EIF2B3: variants seen among roughly 807,000 people sequenced by gnomAD.
The protein encoded by EIF2B3 is translation initiation factor eIF2B subunit gamma.
In EIF2B3, 20 loss-of-function variants were observed where a neutral mutation model predicts 54.1. The observed-to-expected ratio is 0.37, with a 90% confidence interval of 0.26 to 0.54. EIF2B3 has a LOEUF of 0.54. Among genes scored for constraint, EIF2B3 ranks in the 20% least tolerant of loss-of-function variants. EIF2B3 has a pLI of 0.86. For missense variants in EIF2B3, 448 were observed against 547.8 expected, an observed-to-expected ratio of 0.82 and a Z score of 1.82; for synonymous variants, 153 against 188.1, an observed-to-expected ratio of 0.81 and a Z score of 1.52.
intron 4 of EIF2B3, among the ~76,000 whole-genome samples, chr1:44,928,584 A>G (rs72676539): frequency 0.15 from 22,578 of 151,974 alleles, 1,806 homozygotes; most frequent in Non-Finnish European, 0.17. Flanking sequence ...TATTATTTAA[A>G]GTCATCCACA....
Position 44,879,872 on chromosome 1 carries a change from C to T in EIF2B3, c.921G>A (p.Glu307=), listed in dbSNP as rs531541564. The T allele has an allele frequency of 2.4e-5, 38 of 1,614,058 alleles. No individual in the cohort carries two copies. The highest frequency in any genetic ancestry group is 3.1e-5 in the Non-Finnish European group (37 of 1,180,048). ...GTGTGCTCACTCGAGAGCAGAGCCCCTCTTTCATGATGTGGACATAGCAGC... is the reference window on the plus strand; with the variant it reads ...GTGTGCTCACTCGAGAGCAGAGCCCTTCTTTCATGATGTGGACATAGCAGC... ...QVRCYVHIMK[E]GLCSRVSTLG... Residue 307 remains glutamate, a synonymous_variant, in exon 8 of 12, where the codon GAG becomes GAA. Transcript: ENST00000360403.
chr1:44,961,786 T>C (rs1394041555), intron 3 of EIF2B3, among the ~76,000 whole-genome samples: 1 of 152,222 alleles, frequency 6.6e-6, no homozygotes, highest in Non-Finnish European at 1.5e-5. Flanking sequence ...GACTCATAAC[T>C]TCCAAGGTCA....
At chr1:44,961,561 T>TCAGC (rs2148954484) in intron 3 of EIF2B3, among the ~76,000 whole-genome samples, 1 of 152,152 alleles carries the variant, frequency 6.6e-6, no homozygotes, top group South Asian at 2.1e-4. Context: ...TGTGCCTGTA[T>TCAGC]TCCCAGCTAC....
At position 44,981,036 on chromosome 1, in the gene EIF2B3, G is replaced by A. The variant is rs191579939; in HGVS notation, c.133C>T (p.Arg45Cys). The A allele has an allele frequency of 7.4e-5, 120 of 1,613,294 alleles. 1 individual carries two copies. In the East Asian group the frequency reaches 2.5e-3, roughly 33 times the overall value. Residue 45 changes from arginine to cysteine, a missense_variant, in exon 2 of 12, where the codon CGT (arginine) becomes TGT (cysteine). By Grantham distance (180) the Arg-to-Cys change is radical (BLOSUM62 -3). This residue lies in a region of EIF2B3 where 95 missense variants were observed against 115.7 expected (regional missense o/e 0.82). Coordinates refer to ENST00000360403, the MANE Select transcript of EIF2B3 (RefSeq NM_020365.5). Reference sequence around the variant, plus strand: ...CATAGCTCACCTTCAAATCCAACACGCTCAAGCAGGTTCAATGGGTACCAA... The same window carrying A: ...CATAGCTCACCTTCAAATCCAACACACTCAAGCAGGTTCAATGGGTACCAA... ...LIWYPLNLLE[R>C]VGFEEVIVVT...
At chr1:44,909,950 G>T (rs1315800729) in intron 5 of EIF2B3, among the ~76,000 whole-genome samples, 1 of 152,182 alleles carries the variant, frequency 6.6e-6, no homozygotes, top group Non-Finnish European at 1.5e-5. Flanking sequence ...GGTCTTGACT[G>T]AAGTCCTTGA....
chr1:44,973,793 A>T (rs1366668337), intron 3 of EIF2B3, among the ~76,000 whole-genome samples: 4 of 152,210 alleles, frequency 2.6e-5, no homozygotes, highest in Non-Finnish European at 5.9e-5. Flanking sequence ...GTAGAATGGT[A>T]GCTGCCATGG....
intron 3 of EIF2B3, among the ~76,000 whole-genome samples, chr1:44,947,366 A>G (rs1156700007): frequency 1.3e-5 from 2 of 152,206 alleles, no homozygotes; most frequent in African/African-American, 2.4e-5. Context: ...TTAAGCTCAG[A>G]AAACCCAATT....
chr1:44,934,252 G>T (rs1011400402), intron 4 of EIF2B3, among the ~76,000 whole-genome samples: 4 of 151,692 alleles, frequency 2.6e-5, no homozygotes, highest in Non-Finnish European at 5.9e-5. Context: ...CAAAAAATTA[G>T]CTAGGTGCAG....
intron 10 of EIF2B3, among the ~76,000 whole-genome samples, chr1:44,869,722 T>C (rs1654902848): frequency 6.8e-6 from 1 of 146,558 alleles, no homozygotes; most frequent in African/African-American, 2.5e-5. Context: ...TGCCTCAGCC[T>C]CCTGAATATC....
chr1:44,958,828 G>A, intron 3 of EIF2B3: 1 of 1,050,660 alleles, frequency 9.5e-7, no homozygotes, highest in Non-Finnish European at 1.5e-6. Flanking sequence ...GTTAGCTCCT[G>A]AGCAGTGGGC....
At chr1:44,876,394 G>A (rs1454437198) in intron 8 of EIF2B3, among the ~76,000 whole-genome samples, 1 of 143,034 alleles carries the variant, frequency 7.0e-6, no homozygotes. Flanking sequence ...CTGCCTGGCC[G>A]CGACCCTGTC....
chr1:44,985,224 CTGCTACTGT>C (rs1644559967), intron 1 of EIF2B3, among the ~76,000 whole-genome samples: 1 of 152,228 alleles, frequency 6.6e-6, no homozygotes, highest in Non-Finnish European at 1.5e-5. Context: ...GGTCTCTGCA[CTGCTACTGT>C]TGCTTCCTAG....
chr1:44,973,222 G>C (rs1644420148), intron 3 of EIF2B3, among the ~76,000 whole-genome samples: 1 of 152,134 alleles, frequency 6.6e-6, no homozygotes, highest in Admixed American at 6.6e-5. Flanking sequence ...AACTGAAAGA[G>C]GGTCTCAAAG....
chr1:44,967,812 A>G (rs1231903014), intron 3 of EIF2B3, among the ~76,000 whole-genome samples: 1 of 149,358 alleles, frequency 6.7e-6, no homozygotes, highest in Non-Finnish European at 1.5e-5. Flanking sequence ...GGCCGAGGCG[A>G]GCAAATCAAG....
At chr1:44,879,196 T>C (rs758021900) in intron 8 of EIF2B3, among the ~76,000 whole-genome samples, 35 of 152,200 alleles carry the variant, frequency 2.3e-4, no homozygotes, top group Non-Finnish European at 4.0e-4. Flanking sequence ...GCCTCTTTAC[T>C]GTCCCCCTCT....
chr1:44,864,568 G>C (rs574064238), intron 10 of EIF2B3, among the ~76,000 whole-genome samples: 37 of 152,070 alleles, frequency 2.4e-4, no homozygotes, highest in African/African-American at 8.9e-4. Flanking sequence ...CCTCCAAAAA[G>C]AATTCTTTTA....
chr1:44,875,806 C>G (rs1569582939), intron 8 of EIF2B3, 111 bp from the exon 9 acceptor site: 2 of 868,130 alleles, frequency 2.3e-6, no homozygotes, highest in Non-Finnish European at 1.9e-6. Flanking sequence ...CCCTCTCCCT[C>G]TCTTTCCACG....
At chr1:44,870,172 A>T (rs1157950269) in intron 10 of EIF2B3, among the ~76,000 whole-genome samples, 1 of 102,860 alleles carries the variant, frequency 9.7e-6, no homozygotes, top group African/African-American at 5.0e-5. Flanking sequence ...ACCCCGTCTC[A>T]AAAAAGAGAG....
At chr1:44,916,801 A>C (rs1643632654) in intron 5 of EIF2B3, among the ~76,000 whole-genome samples, 1 of 143,664 alleles carries the variant, frequency 7.0e-6, no homozygotes. Flanking sequence ...ACAGAGCAAG[A>C]TTCTGTCGCA....
Sources: allele counts gnomAD v4.1 joint callset (sites outside exome capture counted in the v4.1 genomes callset), GRCh38; gene constraint gnomAD v4.1.1; regional missense constraint gnomAD v4.1.1; transcripts MANE v1.5; gene names NCBI Gene and HGNC (gene_info 2026-07-23, HGNC 2026-07-21).